Variants in CCDC60 observed in about 807,000 individuals in gnomAD.
CCDC60 encodes the protein coiled-coil domain containing 60.
In CCDC60, 54 loss-of-function variants were observed where a neutral mutation model predicts 63.5. That is an observed-to-expected ratio of 0.85 (90% CI 0.68 to 1.07). The LOEUF is 1.07. CCDC60 is among the 50% of genes least tolerant of loss of function. The pLI is 0.00. For missense variants in CCDC60, 651 were observed against 684.3 expected (o/e 0.95, Z 0.54); for synonymous variants, 206 against 238.8 (o/e 0.86, Z 1.27).
At chr12:119,368,767 C>G (rs564137972) in intron 1 of CCDC60, among the ~76,000 whole-genome samples, 1 of 152,300 alleles carries the variant, frequency 6.6e-6, no homozygotes, top group East Asian at 1.9e-4. Flanking sequence ...AATCCCTGCT[C>G]GTAATTAACG....
At chr12:119,493,018 G>A (rs964657737) in intron 5 of CCDC60, among the ~76,000 whole-genome samples, 2 of 152,108 alleles carry the variant, frequency 1.3e-5, no homozygotes, top group Non-Finnish European at 2.9e-5. Flanking sequence ...AGGGAAAAAA[G>A]GCTACAGAAG....
intron 5 of CCDC60, among the ~76,000 whole-genome samples, chr12:119,493,786 T>C (rs1951653730): frequency 6.6e-6 from 1 of 152,206 alleles, no homozygotes; most frequent in South Asian, 2.1e-4. Flanking sequence ...TGCCCATAAG[T>C]ATTTATTCAA....
chr12:119,381,724 G>C (rs149350174), intron 1 of CCDC60, among the ~76,000 whole-genome samples: 1 of 152,264 alleles, frequency 6.6e-6, no homozygotes, highest in African/African-American at 2.4e-5. Flanking sequence ...AGCTCAGAGA[G>C]TCGAAGTCAC....
intron 13 of CCDC60, among the ~76,000 whole-genome samples, chr12:119,538,461 C>T (rs1166406462): frequency 1.3e-5 from 2 of 152,224 alleles, no homozygotes; most frequent in Non-Finnish European, 2.9e-5. Context: ...AACCAGGTAC[C>T]TCAGTTGGAA....
intron 1 of CCDC60, among the ~76,000 whole-genome samples, chr12:119,345,232 G>A (rs920576025): frequency 3.9e-5 from 6 of 152,144 alleles, no homozygotes; most frequent in African/African-American, 1.4e-4. Flanking sequence ...GGCTGGGCAC[G>A]GTGGCTCATG....
At chr12:119,476,106 A>C (rs569222007) in intron 3 of CCDC60, among the ~76,000 whole-genome samples, 1 of 152,318 alleles carries the variant, frequency 6.6e-6, no homozygotes, top group Non-Finnish European at 1.5e-5. Context: ...CATAGAATAC[A>C]TTCTTTTAGA....
intron 1 of CCDC60, among the ~76,000 whole-genome samples, chr12:119,396,600 C>G (rs966349152): frequency 1.7e-4 from 26 of 152,202 alleles, no homozygotes; most frequent in African/African-American, 6.3e-4. Context: ...TCAAATTGGG[C>G]CAGACACAGG....
At chr12:119,436,186 AT>A (rs1190712373) in intron 2 of CCDC60, among the ~76,000 whole-genome samples, 1 of 152,086 alleles carries the variant, frequency 6.6e-6, no homozygotes, top group East Asian at 1.9e-4. Context: ...AATGATGGAG[AT>A]TTGGGTCCAT....
At chr12:119,482,026 TGTG>T (rs1201578438) in intron 4 of CCDC60, among the ~76,000 whole-genome samples, 1 of 134,412 alleles carries the variant, frequency 7.4e-6, no homozygotes, top group Non-Finnish European at 1.7e-5. Flanking sequence ...TATGTATATA[TGTG>T]TGTATATATA....
intron 3 of CCDC60, among the ~76,000 whole-genome samples, chr12:119,474,793 GC>G (rs967180877): frequency 6.6e-6 from 1 of 152,066 alleles, no homozygotes. Context: ...GATCACTTGA[GC>G]CCAGGAGTTC....
At chr12:119,495,700 A>C (rs909812517) in intron 5 of CCDC60, among the ~76,000 whole-genome samples, 1 of 152,144 alleles carries the variant, frequency 6.6e-6, no homozygotes, top group African/African-American at 2.4e-5. Context: ...TCCTCCCCCC[A>C]CAACCAAGAA....
At chr12:119,522,355 G>C (rs780282644) in intron 9 of CCDC60, among the ~76,000 whole-genome samples, 1 of 152,202 alleles carries the variant, frequency 6.6e-6, no homozygotes, top group African/African-American at 2.4e-5. Context: ...GTATCCATAC[G>C]AGGATTCAGT....
At chr12:119,353,372 G>A (rs2136155686) in intron 1 of CCDC60, among the ~76,000 whole-genome samples, 1 of 152,198 alleles carries the variant, frequency 6.6e-6, no homozygotes, top group South Asian at 2.1e-4. Context: ...ATCAAATAAT[G>A]TCACTCTCCA....
At chr12:119,339,481 T>C (rs934298018) in intron 1 of CCDC60, among the ~76,000 whole-genome samples, 4 of 152,186 alleles carry the variant, frequency 2.6e-5, no homozygotes, top group African/African-American at 9.7e-5. Context: ...TCCTAGCTTT[T>C]AGTGATTAAA....
chr12:119,460,603 G>A (rs1025177752), intron 2 of CCDC60, among the ~76,000 whole-genome samples: 1 of 152,184 alleles, frequency 6.6e-6, no homozygotes, highest in African/African-American at 2.4e-5. Context: ...TAGAATTGCT[G>A]GGTTCAGAAA....
chr12:119,453,554 T>C (rs1394739254), intron 2 of CCDC60, among the ~76,000 whole-genome samples: 1 of 152,188 alleles, frequency 6.6e-6, no homozygotes, highest in African/African-American at 2.4e-5. Flanking sequence ...AATTACTTCA[T>C]AAGGCAATTT....
At chr12:119,457,083 A>T (rs374098699) in intron 2 of CCDC60, among the ~76,000 whole-genome samples, 1 of 152,268 alleles carries the variant, frequency 6.6e-6, no homozygotes, top group East Asian at 1.9e-4. Flanking sequence ...TGTTTTTGCC[A>T]CCCTAGAGTG....
chr12:119,469,824 A>G (rs1162439616), intron 2 of CCDC60, among the ~76,000 whole-genome samples: 1 of 152,246 alleles, frequency 6.6e-6, no homozygotes, highest in Non-Finnish European at 1.5e-5. Context: ...AGAATTAGTG[A>G]ACACAGGCCG....
At chr12:119,426,929 G>A (rs1956911817) in intron 1 of CCDC60, among the ~76,000 whole-genome samples, 1 of 152,116 alleles carries the variant, frequency 6.6e-6, no homozygotes, top group South Asian at 2.1e-4. Context: ...CAGAGCAGTA[G>A]GCACCATAGC....
Sources: gnomAD v4.1 joint callset for allele counts (sites outside exome capture counted in the v4.1 genomes callset) on GRCh38, gnomAD v4.1.1 for gene constraint, MANE v1.5 for transcripts, NCBI Gene and HGNC (gene_info 2026-07-23, HGNC 2026-07-21) for gene names.